LDHC: variants seen among roughly 807,000 people sequenced by gnomAD.
LDHC encodes L-lactate dehydrogenase C chain.
Under a neutral mutation model 30.2 loss-of-function variants are expected in LDHC, and 20 were observed. The ratio of observed to expected loss-of-function variants is 0.66; its 90% CI spans 0.47 to 0.96. The LOEUF (loss-of-function observed/expected upper bound fraction) is 0.96. LDHC is among the 40% of genes least tolerant of loss of function. LDHC has a pLI of 0.00. For synonymous variants in LDHC, 139 were observed against 132.7 expected (o/e 1.05, Z -0.32); for missense variants, 362 against 394.9 (o/e 0.92, Z 0.71).
chr11:18,438,006 AGTG>A (rs1182981996), intron 5 of LDHC, among the ~76,000 whole-genome samples: 4 of 152,104 alleles, frequency 2.6e-5, no homozygotes, highest in Non-Finnish European at 2.9e-5. Flanking sequence ...TGGAGGTTGC[AGTG>A]AGCTGAGATC....
At chr11:18,428,762 C>G (rs1469398379) in intron 3 of LDHC, among the ~76,000 whole-genome samples, 1 of 151,798 alleles carries the variant, frequency 6.6e-6, no homozygotes, top group Non-Finnish European at 1.5e-5. Flanking sequence ...GTAGTCCCAG[C>G]TACTCAGGAG....
At chr11:18,422,977 A>C (rs1590225476) in intron 3 of LDHC, among the ~76,000 whole-genome samples, 1 of 142,768 alleles carries the variant, frequency 7.0e-6, no homozygotes, top group East Asian at 2.0e-4. Context: ...TCTCAAAAAA[A>C]CCAAAACCAA....
chr11:18,438,547 G>A lies in LDHC; in HGVS notation c.612G>A (p.Val204=). Residue 204 remains valine, a synonymous_variant, in exon 6 of 8, where the codon GTG becomes GTA. Transcript: ENST00000541669. ...GDSSVPLWSG[V]NVAGVALKTL... The stretch of plus-strand genomic sequence containing the variant: ...TTTTAGTGCCCTTATGGAGTGGGGT[G>A]AATGTTGCTGGTGTTGCTCTGAAGA... 6.2e-7 allele frequency: 1 copy of A among 1,610,450 alleles called. No individual in the cohort carries two copies.
chr11:18,432,331 G>T (rs1356552313), intron 4 of LDHC, among the ~76,000 whole-genome samples: 3 of 152,142 alleles, frequency 2.0e-5, no homozygotes, highest in Non-Finnish European at 4.4e-5. Flanking sequence ...GAGAGTGCTT[G>T]ATATAATTTC....
At chr11:18,421,360 T>G (rs1392329725) in intron 3 of LDHC, among the ~76,000 whole-genome samples, 1 of 151,898 alleles carries the variant, frequency 6.6e-6, no homozygotes, top group Non-Finnish European at 1.5e-5. Flanking sequence ...TGGCCTCAAA[T>G]TTTTAAATAA....
At chr11:18,437,058 C>T (rs1448961071) in intron 5 of LDHC, among the ~76,000 whole-genome samples, 2 of 152,062 alleles carry the variant, frequency 1.3e-5, no homozygotes, top group Non-Finnish European at 2.9e-5. Flanking sequence ...GAACTCTATC[C>T]TGTTGGTGTT....
chr11:18,413,326 G>A (rs769702817), intron 2 of LDHC, among the ~76,000 whole-genome samples: 11 of 151,756 alleles, frequency 7.2e-5, no homozygotes, highest in Admixed American at 3.9e-4. Context: ...CAAGTGATCC[G>A]CCTGCCTCGG....
In LDHC at chr11:18,446,465, G is replaced by A. The variant is rs1425238554; in HGVS notation, c.834+132G>A. 4.4e-6 allele frequency: 3 copies of A among 675,178 alleles called. No homozygotes were observed. The South Asian group carries it at 5.2e-5, about 12-fold the overall frequency. 41.8% of individuals were successfully genotyped at this position (675,178 alleles called of 1,614,324 possible). On this transcript the variant is annotated intron_variant, in intron 7 of 7. Transcript: ENST00000541669. ...AAAAATACAAAGACCTTGACCTCAGGTCAGGTCAAAAAAATACAGATACCT... is the reference window on the plus strand; with the variant it reads ...AAAAATACAAAGACCTTGACCTCAGATCAGGTCAAAAAAATACAGATACCT...
intron 6 of LDHC, among the ~76,000 whole-genome samples, chr11:18,445,468 A>G (rs906520539): frequency 6.6e-6 from 1 of 152,118 alleles, no homozygotes; most frequent in African/African-American, 2.4e-5. Flanking sequence ...AAGTTCTGGG[A>G]TTACAGATGT....
intron 6 of LDHC, among the ~76,000 whole-genome samples, chr11:18,445,558 C>A (rs1848541034): frequency 6.6e-6 from 1 of 152,086 alleles, no homozygotes; most frequent in Non-Finnish European, 1.5e-5. Context: ...TGATTAGTTT[C>A]TATGTTGCAT....
At chr11:18,429,651 A>G (rs1278365518) in intron 3 of LDHC, 86 bp from the exon 4 acceptor site, 2 of 701,506 alleles carry the variant, frequency 2.9e-6, no homozygotes, top group East Asian at 5.4e-5. Flanking sequence ...ATATAATACT[A>G]AGAACATACA....
chr11:18,429,116 C>CTTTTT lies in LDHC; in HGVS notation c.245-602_245-598dup, dbSNP rs36038254. Among the ~76,000 whole-genome samples the CTTTTT allele has an allele frequency of 1.4e-3, 130 of 93,904 alleles. 1 individual carries two copies. The highest frequency in any genetic ancestry group is 2.0e-3 in the Non-Finnish European group (105 of 51,636). 61.6% of individuals were successfully genotyped at this position (93,904 alleles called of 152,430 possible). On this transcript the variant is annotated intron_variant, in intron 3 of 7. Transcript: ENST00000541669. ...GAGTTCTAAGTCTATTCATTTTGGTCTTTTTTTTTTTTTTTTTTTTTTTGA... is the reference window on the plus strand; with the variant it reads ...GAGTTCTAAGTCTATTCATTTTGGTCTTTTTTTTTTTTTTTTTTTTTTTTTTTTGA...
intron 4 of LDHC, among the ~76,000 whole-genome samples, chr11:18,434,161 G>GT (rs1243940126): frequency 2.0e-5 from 3 of 149,474 alleles, no homozygotes; most frequent in South Asian, 2.1e-4. Context: ...ATTTTTTATT[G>GT]TTTTTTCTTT....
intron 7 of LDHC, among the ~76,000 whole-genome samples, chr11:18,449,898 G>A (rs952352190): frequency 2.0e-5 from 3 of 152,058 alleles, no homozygotes; most frequent in Non-Finnish European, 4.4e-5. Context: ...TTCCTTCAAC[G>A]CCATTCCTGG....
At chr11:18,431,276 C>T (rs944294082) in intron 4 of LDHC, among the ~76,000 whole-genome samples, 3 of 152,008 alleles carry the variant, frequency 2.0e-5, no homozygotes, top group Admixed American at 6.6e-5. Flanking sequence ...GCCTGGCCAA[C>T]GTAGTGAAAC....
At chr11:18,424,011 G>C (rs1244351863) in intron 3 of LDHC, among the ~76,000 whole-genome samples, 1 of 82,836 alleles carries the variant, frequency 1.2e-5, no homozygotes, top group Non-Finnish European at 3.1e-5. Context: ...TGGTAGAAGT[G>C]TGATAGTAAG....
intron 6 of LDHC, among the ~76,000 whole-genome samples, chr11:18,444,167 C>T (rs1463939185): frequency 6.6e-6 from 1 of 152,126 alleles, no homozygotes; most frequent in Non-Finnish European, 1.5e-5. Flanking sequence ...GAAACTATTT[C>T]TTCTATTTGC....
At chr11:18,423,397 G>T (rs2056782) in intron 3 of LDHC, among the ~76,000 whole-genome samples, 2,281 of 152,230 alleles carry the variant, frequency 0.015, 56 homozygotes, top group African/African-American at 0.052. Flanking sequence ...TATGTGCAGA[G>T]ACTTAATTAG....
chr11:18,449,329 C>T (rs921019795), intron 7 of LDHC, among the ~76,000 whole-genome samples: 22 of 144,988 alleles, frequency 1.5e-4, no homozygotes, highest in Admixed American at 2.9e-4. Context: ...TGGGAGGCTG[C>T]AGTGGGAGGA....
Sources: gnomAD v4.1 joint callset for allele counts (sites outside exome capture counted in the v4.1 genomes callset) on GRCh38, gnomAD v4.1.1 for gene constraint, MANE v1.5 for transcripts, NCBI Gene and HGNC (gene_info 2026-07-23, HGNC 2026-07-21) for gene names.